Variants in ZNF324B observed in about 807,000 individuals in gnomAD.
The protein encoded by ZNF324B is zinc finger protein 324B.
ZNF324B carries 7 observed loss-of-function variants against 10.6 expected under a neutral mutation model. That is an observed-to-expected ratio of 0.66 (90% CI 0.38 to 1.24). The LOEUF is 1.24. ZNF324B is among the 50% of genes most tolerant of loss of function. The probability of loss-of-function intolerance (pLI) is 0.02; values close to 1 mark genes in which losing one functional copy is unlikely to be tolerated. For synonymous variants in ZNF324B, 316 were observed against 321.0 expected (o/e 0.98, Z 0.17); for missense variants, 640 against 764.7 (o/e 0.84, Z 1.92).
chr19:58,453,569 G>T, intron 1 of ZNF324B, 127 bp from the exon 2 acceptor site: 1 of 1,327,424 alleles, frequency 7.5e-7, no homozygotes, highest in Non-Finnish European at 1.1e-6. Flanking sequence ...GCCACCTGAA[G>T]ATAATCTCGG....
At chr19:58,439,973 AGACGCGTG>A in the ZNF324B span, 1 of 727,718 alleles carries the variant, frequency 1.4e-6, no homozygotes, top group South Asian at 1.8e-5. Flanking sequence ...GAGACCCTGG[AGACGCGTG>A]GCGCTGGCTC....
At chr19:58,421,643 T>C in the ZNF324B span, among the ~76,000 whole-genome samples, 3 of 152,152 alleles carry the variant, frequency 2.0e-5, no homozygotes, top group Admixed American at 2.0e-4. Context: ...CCTCCCAAAG[T>C]GCTGTGATTA....
At chr19:58,453,004 G>A (rs1391046592) in intron 1 of ZNF324B, among the ~76,000 whole-genome samples, 1 of 151,994 alleles carries the variant, frequency 6.6e-6, no homozygotes, top group Non-Finnish European at 1.5e-5. Context: ...GAACCCGGGA[G>A]CCGGAGCTTG....
chr19:58,435,326 C>A, the ZNF324B span: 25 of 1,184,562 alleles, frequency 2.1e-5, no homozygotes, highest in Non-Finnish European at 2.9e-5. Context: ...GGATTGCTGA[C>A]AGGCCAACAG....
Position 58,456,078 on chromosome 19 carries a change from C to G in ZNF324B, c.1134C>G (p.Phe378Leu). ...PYACAQCGRR[F>L]CRNSHLIQHE... ...CTTGCGCACAGTGTGGCCGCCGCTT[C>G]TGCCGCAACTCGCACCTGATCCAGC... The change falls in exon 4 of 4, where the codon TTC becomes TTG. Residue 378 changes from phenylalanine (F) to leucine (L), a missense_variant. Phe to Leu is a conservative substitution (Grantham distance 22, BLOSUM62 0). Transcript: ENST00000336614. This position sits in a 1 kb window ranked among gnomAD's most constrained non-coding sequence, Gnocchi z 4.7. The G allele has an allele frequency of 3.1e-6, 5 of 1,612,086 alleles. No homozygotes were observed. Among genetic ancestry groups the G allele is most frequent in the Non-Finnish European group, 3.4e-6 (4 of 1,179,890 alleles).
At chr19:58,441,063 T>A in the ZNF324B span, 1 of 152,310 alleles carries the variant, frequency 6.6e-6, no homozygotes, top group South Asian at 2.1e-4. Context: ...GGAGGAGGGA[T>A]CTGCATATGC....
intron 1 of ZNF324B, 111 bp from the exon 2 acceptor site, chr19:58,453,585 A>G: frequency 1.4e-6 from 2 of 1,459,616 alleles, no homozygotes; most frequent in Non-Finnish European, 1.9e-6. Context: ...CTCGGGGTGG[A>G]ACCCAAGGAA....
the ZNF324B span, among the ~76,000 whole-genome samples, chr19:58,427,368 T>TCC: frequency 2.4e-5 from 1 of 41,650 alleles, no homozygotes; most frequent in African/African-American, 8.9e-5. Context: ...CTTTCTTTCT[T>TCC]TCTTTCTTTC....
the ZNF324B span, chr19:58,436,449 G>T: frequency 6.4e-6 from 1 of 156,802 alleles, no homozygotes; most frequent in Non-Finnish European, 1.4e-5. Context: ...GGTGGATCAC[G>T]AGGTCAGGAG....
chr19:58,420,606 G>A, the ZNF324B span, among the ~76,000 whole-genome samples: 2 of 151,608 alleles, frequency 1.3e-5, no homozygotes, highest in Non-Finnish European at 2.9e-5. Flanking sequence ...TTTGCCATGT[G>A]CCCAGGCTGA....
the ZNF324B span, chr19:58,429,355 T>G: frequency 6.6e-6 from 1 of 152,138 alleles, no homozygotes; most frequent in African/African-American, 2.4e-5. Flanking sequence ...GCAAACAATG[T>G]CCATGAAGAG....
chr19:58,454,290 C>T lies in ZNF324B; in HGVS notation c.184C>T (p.Pro62Ser). 1.2e-6 allele frequency: 2 copies of T among 1,614,116 alleles called. No homozygotes were observed. Among genetic ancestry groups the T allele is most frequent in the Non-Finnish European group, 1.7e-6 (2 of 1,180,012 alleles). ...QLERGEEPWVPSGKDMTLARN... is the reference protein window; with the variant it reads ...QLERGEEPWVSSGKDMTLARN... ...TGAGCGTGGCGAGGAGCCCTGGGTTCCCAGTGGAAAGGACATGACCCTGGC... is the reference window on the plus strand; with the variant it reads ...TGAGCGTGGCGAGGAGCCCTGGGTTTCCAGTGGAAAGGACATGACCCTGGC... Residue 62 changes from proline (P) to serine (S), a missense_variant, in exon 3 of 4, where the codon CCC becomes TCC. Around this residue, in one of 3 missense-constraint regions of ZNF324B, gnomAD observed 345 missense variants for 387.9 expected, o/e 0.89. Transcript: ENST00000336614.
At chr19:58,426,782 G>A in the ZNF324B span, among the ~76,000 whole-genome samples, 1 of 152,238 alleles carries the variant, frequency 6.6e-6, no homozygotes, top group African/African-American at 2.4e-5. Flanking sequence ...GAACTGCCCA[G>A]TAGATTCCAG....
At chr19:58,434,685 G>A in the ZNF324B span, 28 of 1,614,094 alleles carry the variant, frequency 1.7e-5, no homozygotes, top group Non-Finnish European at 2.3e-5. Flanking sequence ...TTCTCAGATG[G>A]TTGGGGAGAG....
the ZNF324B span, among the ~76,000 whole-genome samples, chr19:58,427,209 C>T: frequency 6.6e-6 from 1 of 151,926 alleles, no homozygotes; most frequent in African/African-American, 2.4e-5. Flanking sequence ...CAGCTCACTG[C>T]AACCTCTGCC....
At chr19:58,420,755 T>G in the ZNF324B span, among the ~76,000 whole-genome samples, 1 of 151,732 alleles carries the variant, frequency 6.6e-6, no homozygotes, top group African/African-American at 2.4e-5. Context: ...TTGTCCAGGC[T>G]GGAGTGCAGT....
chr19:58,434,403 ATAAGGTCTTTCTCCTGAG>A, the ZNF324B span: 6 of 1,614,144 alleles, frequency 3.7e-6, no homozygotes, highest in Non-Finnish European at 5.1e-6. Context: ...CATCACACTC[ATAAGGTCTTTCTCCTGAG>A]TGAATTCTCT....
chr19:58,422,873 G>A, the ZNF324B span, among the ~76,000 whole-genome samples: 1 of 152,052 alleles, frequency 6.6e-6, no homozygotes, highest in South Asian at 2.1e-4. Context: ...ATTTTGTTTT[G>A]TTTTTGTTTG....
the ZNF324B span, chr19:58,429,852 A>G: frequency 6.6e-6 from 1 of 152,262 alleles, no homozygotes; most frequent in African/African-American, 2.4e-5. Flanking sequence ...ACTGATACAT[A>G]TCATGAGATC....
Sources: allele counts gnomAD v4.1 joint callset (sites outside exome capture counted in the v4.1 genomes callset), GRCh38; gene constraint gnomAD v4.1.1; regional missense constraint gnomAD v4.1.1; non-coding constraint Gnocchi (gnomAD v3.1); transcripts MANE v1.5; gene names NCBI Gene and HGNC (gene_info 2026-07-23, HGNC 2026-07-21).